The following GLI3 variants were observed in gnomAD, a reference collection of about 807,000 sequenced individuals.
GLI3 encodes the protein transcription activator GLI3.
Under a neutral mutation model 100.8 loss-of-function variants are expected in GLI3, and 20 were observed. That is an observed-to-expected ratio of 0.20 (90% CI 0.14 to 0.29). The LOEUF (loss-of-function observed/expected upper bound fraction) is 0.29. GLI3 is among the 10% of genes least tolerant of loss of function. The probability of loss-of-function intolerance (pLI) is 1.00; values close to 1 mark genes in which losing one functional copy is unlikely to be tolerated. For missense variants in GLI3, 2,040 were observed against 2,128.5 expected (o/e 0.96, Z 0.82); for synonymous variants, 938 against 860.5 (o/e 1.09, Z -1.58).
chr7:42,182,868 G>C (rs1407788119), intron 2 of GLI3, among the ~76,000 whole-genome samples: 1 of 151,460 alleles, frequency 6.6e-6, no homozygotes, highest in Non-Finnish European at 1.5e-5. Flanking sequence ...GATCGTTTGA[G>C]GCCAGGAGTT....
chr7:42,023,807 G>A (rs560492915), intron 9 of GLI3, among the ~76,000 whole-genome samples, 199 bp from the exon 10 acceptor site: 2 of 152,252 alleles, frequency 1.3e-5, no homozygotes, highest in South Asian at 2.1e-4. Context: ...TTAAACGTCT[G>A]ATTCAAGGCA....
Position 41,990,656 on chromosome 7 carries a change from A to G in GLI3, c.1498-11908T>C, listed in dbSNP as rs190162333. On this transcript the variant is annotated intron_variant, in intron 10 of 14. Transcript: ENST00000395925. ...AGTAGATTTGGAGAGAGTATTTTTA[A>G]TATTGGGAGAAAAGTTGACAATTCG... Among the ~76,000 whole-genome samples the G allele has an allele frequency of 2.9e-4, 44 of 152,304 alleles. 1 individual carries two copies. The highest frequency in any genetic ancestry group is 2.3e-3 in the Admixed American group (35 of 15,288).
chr7:42,150,095 C>T (rs1786818826), intron 2 of GLI3: 1 of 152,126 alleles, frequency 6.6e-6, no homozygotes, highest in Non-Finnish European at 1.5e-5. Flanking sequence ...CTGACTACTA[C>T]AAGGTAACTG....
At chr7:42,198,411 C>A (rs1385435401) in intron 2 of GLI3, among the ~76,000 whole-genome samples, 1 of 152,160 alleles carries the variant, frequency 6.6e-6, no homozygotes, top group Non-Finnish European at 1.5e-5. Flanking sequence ...AGAAAACACT[C>A]ACCATGAGGT....
chr7:42,063,316 A>G lies in GLI3; in HGVS notation c.473+13436T>C, dbSNP rs571775023. Among the ~76,000 whole-genome samples, 7 of 152,284 alleles carry G rather than the reference A, an allele frequency of 4.6e-5. No individual in the cohort carries two copies. The South Asian group carries it at 1.4e-3, about 32-fold the overall frequency. On this transcript the variant is annotated intron_variant, in intron 4 of 14. Transcript: ENST00000395925. ...GTACACACACAAATACATATGACAT[A>G]CTACATATCCTCAACTCTAAGATGT...
At chr7:42,217,949 T>C (rs1583656073) in intron 2 of GLI3, among the ~76,000 whole-genome samples, 1 of 152,222 alleles carries the variant, frequency 6.6e-6, no homozygotes. Flanking sequence ...CTGTGAAGTG[T>C]GAAGTAGGTC....
Position 41,967,655 on chromosome 7 carries a change from G to A in GLI3, c.2372C>T (p.Pro791Leu), listed in dbSNP as rs201419477. ...ERLKQVNGMF[P>L]RLNPILPPKA... Reference sequence around the variant, plus strand: ...AGGGGGTAGAATGGGGTTCAGTCGCGGAAACATTCCATTCACTTGTTTTAG... The same window carrying A: ...AGGGGGTAGAATGGGGTTCAGTCGCAGAAACATTCCATTCACTTGTTTTAG... The change falls in exon 14 of 15, where the codon CCG (proline) becomes CTG (leucine). Residue 791 changes from proline to leucine, a missense_variant. Coordinates refer to ENST00000395925, the MANE Select transcript of GLI3 (RefSeq NM_000168.6). 26 of 1,613,944 alleles carry A rather than the reference G, an allele frequency of 1.6e-5. No homozygotes were observed. Among genetic ancestry groups the A allele is most frequent in the South Asian group, 7.7e-5 (7 of 91,076 alleles).
intron 10 of GLI3, among the ~76,000 whole-genome samples, chr7:42,005,334 T>C (rs1193573233): frequency 6.6e-6 from 1 of 151,980 alleles, no homozygotes; most frequent in Non-Finnish European, 1.5e-5. Flanking sequence ...CTCTCTACCG[T>C]ATGTGACTAT....
chr7:41,966,233 T>C lies in GLI3; in HGVS notation c.2840A>G (p.Asn947Ser), dbSNP rs1386235963. 31 of 1,608,974 alleles carry C rather than the reference T, an allele frequency of 1.9e-5. No homozygotes were observed. Among genetic ancestry groups the C allele is most frequent in the Non-Finnish European group, 2.6e-5 (31 of 1,179,058 alleles). ...CGTCTTCAGGCTCATCCTCTCCATG[T>C]TGGGCAGGGGCGTCGGCGGCGGCCC... ...TGGPPPTPLP[N>S]MERMSLKTRL... is the part of the protein sequence containing the mutation. Residue 947 changes from asparagine to serine, a missense_variant, in exon 15 of 15, where the codon AAC (asparagine) becomes AGC (serine). By Grantham distance (46) the Asn-to-Ser change is conservative (BLOSUM62 1). Around this residue, in one of 5 missense-constraint regions of GLI3, gnomAD observed 1,041 missense variants for 924.0 expected, o/e 1.13. Transcript: ENST00000395925. This position sits in a 1 kb window ranked among gnomAD's most constrained non-coding sequence, Gnocchi z 5.8.
intron 4 of GLI3, 148 bp downstream of exon 4, chr7:42,076,604 C>G: frequency 1.5e-6 from 1 of 679,242 alleles, no homozygotes; most frequent in Non-Finnish European, 2.7e-6. Flanking sequence ...AACCCACGAA[C>G]AGATAGGCTT....
At chr7:42,114,992 G>A (rs969927829) in intron 3 of GLI3, among the ~76,000 whole-genome samples, 11 of 151,750 alleles carry the variant, frequency 7.2e-5, no homozygotes, top group South Asian at 2.1e-4. Context: ...TTGAGCCACC[G>A]CACCGACCAG....
In GLI3 at chr7:42,102,359, G is replaced by A. The variant is rs551458709; in HGVS notation, c.368-25502C>T. Among the ~76,000 whole-genome samples, 14 of 152,294 alleles carry A rather than the reference G, an allele frequency of 9.2e-5. No homozygotes were observed. The South Asian group carries it at 2.9e-3, about 32-fold the overall frequency. The stretch of plus-strand genomic sequence containing the variant: ...AAAGCCTGAGTCCTGAGCCTGAGTT[G>A]GGGGAAGGAGAAGCAGTCAGAGCTC... On this transcript the variant is annotated intron_variant, in intron 3 of 14. Coordinates refer to ENST00000395925, the MANE Select transcript of GLI3 (RefSeq NM_000168.6).
At chr7:42,147,134 C>T (rs748936443) in intron 3 of GLI3, among the ~76,000 whole-genome samples, 11 of 152,194 alleles carry the variant, frequency 7.2e-5, no homozygotes, top group Admixed American at 5.9e-4. Flanking sequence ...TGCGGGGTAG[C>T]GGTTGCTGAG....
intron 10 of GLI3, among the ~76,000 whole-genome samples, chr7:41,989,719 T>C (rs1490829850): frequency 1.3e-5 from 2 of 152,084 alleles, no homozygotes; most frequent in African/African-American, 4.8e-5. Flanking sequence ...AATTTTACTA[T>C]TCAACCTGTT....
chr7:42,015,155 G>A (rs1196184909), intron 10 of GLI3, among the ~76,000 whole-genome samples: 3 of 152,140 alleles, frequency 2.0e-5, no homozygotes, highest in Non-Finnish European at 2.9e-5. Context: ...GATGAGACAC[G>A]GAGGATTTAC....
chr7:42,234,940 T>A (rs1172458416), intron 1 of GLI3, among the ~76,000 whole-genome samples: 6 of 152,242 alleles, frequency 3.9e-5, no homozygotes, highest in Non-Finnish European at 8.8e-5. Context: ...ATAGTTTAAC[T>A]GGCCAAAGTG....
At chr7:42,131,256 C>A (rs1209573601) in intron 3 of GLI3, among the ~76,000 whole-genome samples, 2 of 152,078 alleles carry the variant, frequency 1.3e-5, no homozygotes, top group Non-Finnish European at 1.5e-5. Flanking sequence ...AATGAATTGG[C>A]CAGGAAAGAA....
intron 10 of GLI3, among the ~76,000 whole-genome samples, chr7:41,987,982 G>A (rs1342411970): frequency 1.3e-5 from 2 of 152,222 alleles, no homozygotes; most frequent in Non-Finnish European, 2.9e-5. Context: ...TGAAGGAAAT[G>A]TGAGTTTTTG....
Position 42,172,744 on chromosome 7 carries a change from T to C in GLI3, c.125-24276A>G. ...GCTGAGAGTTTTCCGTGAGTAAAGT[T>C]AACACATTTCATTACTTGGCTATTA... On this transcript the variant is annotated intron_variant, in intron 2 of 14. Coordinates refer to ENST00000395925, the MANE Select transcript of GLI3 (RefSeq NM_000168.6). The C allele has an allele frequency of 6.1e-6, 4 of 654,176 alleles. No homozygotes were observed. In the South Asian group the frequency reaches 6.7e-5, roughly 11 times the overall value. 40.5% of individuals were successfully genotyped at this position (654,176 alleles called of 1,614,324 possible). A position where few individuals can be genotyped will look rare whatever the true frequency, so the allele number is the denominator to read the frequency against.
Sources: allele counts gnomAD v4.1 joint callset (sites outside exome capture counted in the v4.1 genomes callset), GRCh38; gene constraint gnomAD v4.1.1; regional missense constraint gnomAD v4.1.1; non-coding constraint Gnocchi (gnomAD v3.1); transcripts MANE v1.5; gene names NCBI Gene and HGNC (gene_info 2026-07-23, HGNC 2026-07-21).